Variants in GRM7 observed in about 807,000 individuals in gnomAD.
GRM7 encodes glutamate metabotropic receptor 7, also known as metabotropic glutamate receptor 7.
In GRM7, 35 loss-of-function variants were observed where a neutral mutation model predicts 84.5. The observed-to-expected ratio is 0.41, with a 90% CI of 0.32 to 0.55. The LOEUF (loss-of-function observed/expected upper bound fraction) is 0.55. GRM7 is among the 20% of genes least tolerant of loss of function. GRM7 has a pLI of 0.19. For synonymous variants in GRM7, 487 were observed against 455.1 expected, an observed-to-expected ratio of 1.07 and a Z score of -0.89; for missense variants, 1,003 against 1,194.6, an observed-to-expected ratio of 0.84 and a Z score of 2.36.
chr3:7,325,404 A>G (rs1343042127), intron 4 of GRM7, among the ~76,000 whole-genome samples: 1 of 152,208 alleles, frequency 6.6e-6, no homozygotes, highest in African/African-American at 2.4e-5. Context: ...ACTAAAACAC[A>G]GATTGCTGGG....
At chr3:7,083,196 C>G (rs1040049625) in intron 1 of GRM7, among the ~76,000 whole-genome samples, 6 of 152,128 alleles carry the variant, frequency 3.9e-5, no homozygotes, top group African/African-American at 1.2e-4. Context: ...GAAACCAGCA[C>G]TACCACCCCA....
chr3:6,927,479 A>AAGAAAGAAAGAAAGAAAGAGAGAGAGAG (rs1697345972), intron 1 of GRM7, among the ~76,000 whole-genome samples: 2 of 79,018 alleles, frequency 2.5e-5, no homozygotes, highest in Non-Finnish European at 7.3e-5. Context: ...GAAAGAAAGA[A>AAGAAAGAAAGAAAGAAAGAGAGAGAGAG]AGAAAGAAAG....
chr3:6,940,014 A>C (rs891666778), intron 1 of GRM7, among the ~76,000 whole-genome samples: 5 of 152,208 alleles, frequency 3.3e-5, no homozygotes, highest in South Asian at 2.1e-4. Flanking sequence ...CTATAATAAG[A>C]ATACAATATA....
At chr3:6,888,671 C>A (rs1405705472) in intron 1 of GRM7, among the ~76,000 whole-genome samples, 4 of 152,096 alleles carry the variant, frequency 2.6e-5, no homozygotes, top group Non-Finnish European at 5.9e-5. Flanking sequence ...AGCATGATGC[C>A]TCCAGCTTTG....
intron 1 of GRM7, among the ~76,000 whole-genome samples, chr3:7,068,216 AC>A (rs1404609482): frequency 1.3e-5 from 2 of 151,822 alleles, no homozygotes; most frequent in African/African-American, 4.8e-5. Context: ...TTTCTAAATC[AC>A]CAGTGGAACA....
At chr3:7,257,262 GA>G (rs1224524778) in intron 2 of GRM7, among the ~76,000 whole-genome samples, 1 of 152,164 alleles carries the variant, frequency 6.6e-6, no homozygotes, top group Non-Finnish European at 1.5e-5. Flanking sequence ...TCCTTTTTAT[GA>G]CATCATTGTC....
At chr3:7,466,272 G>T (rs12491834) in intron 7 of GRM7, among the ~76,000 whole-genome samples, 1 of 152,044 alleles carries the variant, frequency 6.6e-6, no homozygotes, top group East Asian at 1.9e-4. Flanking sequence ...TAAGGGCTCT[G>T]TAGTAGATAT....
At chr3:7,034,181 G>A (rs1273876195) in intron 1 of GRM7, among the ~76,000 whole-genome samples, 1 of 152,072 alleles carries the variant, frequency 6.6e-6, no homozygotes, top group African/African-American at 2.4e-5. Flanking sequence ...TTCCATCATT[G>A]ATCTTTTGTT....
At chr3:7,704,049 A>T (rs1701311195) in intron 9 of GRM7, among the ~76,000 whole-genome samples, 1 of 152,190 alleles carries the variant, frequency 6.6e-6, no homozygotes, top group Non-Finnish European at 1.5e-5. Flanking sequence ...CATTCTATGC[A>T]TCCATTCAAA....
intron 4 of GRM7, among the ~76,000 whole-genome samples, chr3:7,326,889 C>T (rs1210354288): frequency 1.3e-5 from 2 of 151,858 alleles, no homozygotes; most frequent in African/African-American, 4.8e-5. Flanking sequence ...ATCCTCACCA[C>T]TATAATTCCT....
chr3:7,121,084 A>G (rs1693200939), intron 1 of GRM7, among the ~76,000 whole-genome samples: 1 of 152,062 alleles, frequency 6.6e-6, no homozygotes, highest in Non-Finnish European at 1.5e-5. Context: ...ACATATATAG[A>G]TTTCAATAAT....
chr3:7,436,594 G>A (rs1432735515), intron 5 of GRM7, among the ~76,000 whole-genome samples: 1 of 152,150 alleles, frequency 6.6e-6, no homozygotes, highest in East Asian at 1.9e-4. Flanking sequence ...TACGGGATGT[G>A]GCTAAAGCAA....
intron 7 of GRM7, among the ~76,000 whole-genome samples, chr3:7,475,082 A>G (rs1369288614): frequency 6.6e-6 from 1 of 152,192 alleles, no homozygotes; most frequent in African/African-American, 2.4e-5. Flanking sequence ...TGCCCTACGT[A>G]AAAGTCTTCC....
At chr3:7,009,293 T>C (rs1695291614) in intron 1 of GRM7, among the ~76,000 whole-genome samples, 1 of 152,192 alleles carries the variant, frequency 6.6e-6, no homozygotes, top group Non-Finnish European at 1.5e-5. Context: ...GTACTGAGTA[T>C]TTCTTGGGTG....
At position 7,444,447 on chromosome 3, in the gene GRM7, A is replaced by G. The variant is rs1045346492; in HGVS notation, c.1175-8160A>G. Among the ~76,000 whole-genome samples, 54 of 152,178 alleles carry G rather than the reference A, an allele frequency of 3.5e-4. 1 individual carries two copies. Among genetic ancestry groups the G allele is most frequent in the Admixed American group, 9.8e-4 (15 of 15,264 alleles). ...AATCTCTGTGCTTCTTTAGGAAACCATATCTTTTTGTTTGTTTGTCTGGTA... is the reference window on the plus strand; with the variant it reads ...AATCTCTGTGCTTCTTTAGGAAACCGTATCTTTTTGTTTGTTTGTCTGGTA... On this transcript the variant is annotated intron_variant, in intron 5 of 9. Coordinates refer to ENST00000357716, the MANE Select transcript of GRM7 (RefSeq NM_000844.4).
intron 1 of GRM7, among the ~76,000 whole-genome samples, chr3:7,033,337 C>T (rs984825339): frequency 1.3e-5 from 2 of 151,904 alleles, no homozygotes; most frequent in South Asian, 2.1e-4. Context: ...GACATGAATT[C>T]GGGATTATGC....
At chr3:7,516,231 G>GGAAGCC (rs1275276007) in intron 7 of GRM7, among the ~76,000 whole-genome samples, 7 of 149,956 alleles carry the variant, frequency 4.7e-5, no homozygotes, top group Admixed American at 4.0e-4. Flanking sequence ...CAGCACTTCG[G>GGAAGCC]GAAGCCGAAG....
Position 7,550,416 on chromosome 3 carries a change from C to T in GRM7, c.1516-28006C>T, listed in dbSNP as rs181521202. ...TGCTTTCTTTCTTTTCTCTCTCTCTCCCTCCCTCCCTCCCTCCCTTCCTTT... is the reference window on the plus strand; with the variant it reads ...TGCTTTCTTTCTTTTCTCTCTCTCTTCCTCCCTCCCTCCCTCCCTTCCTTT... On this transcript the variant is annotated intron_variant, in intron 7 of 9. Coordinates refer to ENST00000357716, the MANE Select transcript of GRM7 (RefSeq NM_000844.4). Among the ~76,000 whole-genome samples the T allele has an allele frequency of 2.7e-3, 353 of 130,130 alleles. 2 individuals are homozygous for T. Among genetic ancestry groups the T allele is most frequent in the African/African-American group, 9.9e-3 (348 of 35,078 alleles). 85.4% of individuals were successfully genotyped at this position (130,130 alleles called of 152,430 possible).
At chr3:6,911,545 A>C (rs1023695302) in intron 1 of GRM7, among the ~76,000 whole-genome samples, 4 of 152,154 alleles carry the variant, frequency 2.6e-5, no homozygotes, top group African/African-American at 7.2e-5. Flanking sequence ...TAATAAAATT[A>C]CAGAAGCAGG....
Sources: gnomAD v4.1 joint callset for allele counts (sites outside exome capture counted in the v4.1 genomes callset) on GRCh38, gnomAD v4.1.1 for gene constraint, MANE v1.5 for transcripts, NCBI Gene and HGNC (gene_info 2026-07-23, HGNC 2026-07-21) for gene names.